Variants in NFIB observed in about 807,000 individuals in gnomAD.
The protein encoded by NFIB is nuclear factor 1 B-type.
NFIB carries 11 observed loss-of-function variants against 61.5 expected under a neutral mutation model. The ratio of observed to expected loss-of-function variants is 0.18; its 90% confidence interval spans 0.11 to 0.30. NFIB has a LOEUF of 0.30. NFIB is among the 10% of genes least tolerant of loss of function. The probability of loss-of-function intolerance (pLI) is 1.00; values close to 1 mark genes in which losing one functional copy is unlikely to be tolerated. For synonymous variants in NFIB, 260 were observed against 216.5 expected, an observed-to-expected ratio of 1.20 and a Z score of -1.76; for missense variants, 471 against 608.9, an observed-to-expected ratio of 0.77 and a Z score of 2.38.
chr9:14,243,613 A>T (rs879400604), intron 2 of NFIB, among the ~76,000 whole-genome samples: 30 of 151,734 alleles, frequency 2.0e-4, no homozygotes, highest in Non-Finnish European at 2.7e-4. Context: ...GTATTTTTTA[A>T]AAAAAAAGTA....
At chr9:14,419,227 G>C in the NFIB span, among the ~76,000 whole-genome samples, 1 of 149,624 alleles carries the variant, frequency 6.7e-6, no homozygotes, top group African/African-American at 2.5e-5. Context: ...CCTCAACATG[G>C]GCCCCTTGGA....
the NFIB span, among the ~76,000 whole-genome samples, chr9:14,515,942 A>G: frequency 2.6e-5 from 4 of 152,246 alleles, no homozygotes; most frequent in Admixed American, 2.6e-4. Context: ...CTGGACATTC[A>G]AAGGCTGTGA....
chr9:14,385,039 G>A (rs1034707183), intron 1 of NFIB, among the ~76,000 whole-genome samples: 1 of 152,166 alleles, frequency 6.6e-6, no homozygotes, highest in East Asian at 1.9e-4. Context: ...TCAAATATGA[G>A]GCATTCGCTC....
the NFIB span, among the ~76,000 whole-genome samples, chr9:14,480,335 C>T: frequency 1.2e-4 from 19 of 152,018 alleles, no homozygotes; most frequent in Non-Finnish European, 2.2e-4. Context: ...GCTTCTTGAC[C>T]CAGTCAAAAG....
intron 2 of NFIB, among the ~76,000 whole-genome samples, chr9:14,237,838 TAACA>T (rs2053925806): frequency 2.5e-5 from 3 of 120,034 alleles, no homozygotes; most frequent in Admixed American, 9.3e-5. Context: ...CTGCTAGGTA[TAACA>T]GTGTGTGTGT....
In NFIB at chr9:14,084,984, T is replaced by G; in HGVS notation, c.*3325A>C. ...TCACTGGCAAAAAAGAGAGCGAGTC[T>G]GCCTTTAAAAAATACTGTGTGTCCT... On this transcript the variant is annotated 3_prime_UTR_variant, in exon 11 of 11. Transcript: ENST00000380953. 1 of 229,882 alleles carries G rather than the reference T, an allele frequency of 4.4e-6. No individual in the cohort carries two copies. The allele number at this position is 229,882 out of a possible 1,614,324, so 14.2% of individuals were successfully genotyped here.
At chr9:14,231,129 A>ATAT (rs1312639176) in intron 2 of NFIB, among the ~76,000 whole-genome samples, 2 of 78,190 alleles carry the variant, frequency 2.6e-5, no homozygotes, top group African/African-American at 1.1e-4. Flanking sequence ...GGAAAAAAAA[A>ATAT]AAAAAAATAT....
chr9:14,454,966 A>C, the NFIB span, among the ~76,000 whole-genome samples: 1 of 152,248 alleles, frequency 6.6e-6, no homozygotes, highest in African/African-American at 2.4e-5. Context: ...GATTTAGAGC[A>C]GAATCAAAGC....
upstream of NFIB, among the ~76,000 whole-genome samples, chr9:14,315,054 G>C (rs962030969): frequency 7.9e-5 from 12 of 152,072 alleles, no homozygotes; most frequent in African/African-American, 2.9e-4. Flanking sequence ...GGCTCAGTCC[G>C]CGGAGCCTGC....
chr9:14,103,932 T>C (rs2036160396), intron 10 of NFIB, among the ~76,000 whole-genome samples: 1 of 152,106 alleles, frequency 6.6e-6, no homozygotes, highest in African/African-American at 2.4e-5. Context: ...TTCTTTTTTT[T>C]TTTTTGAGAC....
At chr9:14,267,401 T>C (rs1441537939) in intron 2 of NFIB, among the ~76,000 whole-genome samples, 11 of 152,320 alleles carry the variant, frequency 7.2e-5, no homozygotes, top group African/African-American at 2.4e-4. Flanking sequence ...CCTGAGGTTA[T>C]CTCAATAAAT....
At chr9:14,366,818 A>G (rs1420957334) in intron 1 of NFIB, among the ~76,000 whole-genome samples, 1 of 152,160 alleles carries the variant, frequency 6.6e-6, no homozygotes, top group Non-Finnish European at 1.5e-5. Context: ...TTCCCAAAAA[A>G]TCTGTCAGAA....
In NFIB at chr9:14,085,466, T is replaced by C. The variant is rs1306446779; in HGVS notation, c.*2843A>G. 1 of 221,200 alleles carries C rather than the reference T, an allele frequency of 4.5e-6. No individual in the cohort carries two copies. The highest frequency in any genetic ancestry group is 6.6e-5 in the East Asian group (1 of 15,100). The allele number at this position is 221,200 out of a possible 1,614,324, so 13.7% of individuals were successfully genotyped here. A position where few individuals can be genotyped will look rare whatever the true frequency, so the allele number is the denominator to read the frequency against. On this transcript the variant is annotated 3_prime_UTR_variant, in exon 11 of 11. Transcript: ENST00000380953. ...AACGAAATCAAATATATAGTTAAGG[T>C]ACCATTCCTTAAAAAAATCCCATCA...
At chr9:14,342,588 C>G (rs1440449745) in intron 1 of NFIB, among the ~76,000 whole-genome samples, 2 of 152,300 alleles carry the variant, frequency 1.3e-5, no homozygotes, top group South Asian at 2.1e-4. Context: ...TTACTTTTGG[C>G]TTTTTCATAT....
the NFIB span, among the ~76,000 whole-genome samples, chr9:14,462,916 C>T: frequency 6.6e-6 from 1 of 152,174 alleles, no homozygotes; most frequent in African/African-American, 2.4e-5. Flanking sequence ...GAGACAATGT[C>T]ACATTCATTT....
rs902941441 is a variant in NFIB, at chr9:14,082,864, G to A, written c.*5445C>T. The A allele has an allele frequency of 7.3e-5, 15 of 204,726 alleles. No individual in the cohort carries two copies. Among genetic ancestry groups the A allele is most frequent in the African/African-American group, 3.4e-4 (15 of 43,508 alleles). The allele number at this position is 204,726 out of a possible 1,614,324, so 12.7% of individuals were successfully genotyped here. A position where few individuals can be genotyped will look rare whatever the true frequency, so the allele number is the denominator to read the frequency against. On this transcript the variant is annotated 3_prime_UTR_variant, in exon 11 of 11. Transcript: ENST00000380953. ...GTAGCACAGTTTTCAAAACCATTCTGTCAAAAATACAGTAATACAAGACTG... is the reference window on the plus strand; with the variant it reads ...GTAGCACAGTTTTCAAAACCATTCTATCAAAAATACAGTAATACAAGACTG...
chr9:14,434,720 G>T, the NFIB span, among the ~76,000 whole-genome samples: 1 of 152,214 alleles, frequency 6.6e-6, no homozygotes, highest in East Asian at 1.9e-4. Context: ...TAAGTTTCAA[G>T]AGGAAATTGA....
the NFIB span, among the ~76,000 whole-genome samples, chr9:14,425,734 T>A: frequency 6.6e-6 from 1 of 151,820 alleles, no homozygotes; most frequent in Non-Finnish European, 1.5e-5. Flanking sequence ...GTACTGTGAT[T>A]ATTGATTGAT....
chr9:14,379,030 C>T (rs1301008219), intron 1 of NFIB, among the ~76,000 whole-genome samples: 1 of 152,202 alleles, frequency 6.6e-6, no homozygotes, highest in South Asian at 2.1e-4. Flanking sequence ...ATCTGTATTA[C>T]ACAAGCAGAG....
Sources: allele counts gnomAD v4.1 joint callset (sites outside exome capture counted in the v4.1 genomes callset), GRCh38; gene constraint gnomAD v4.1.1; transcripts MANE v1.5; gene names NCBI Gene and HGNC (gene_info 2026-07-23, HGNC 2026-07-21).